Variants in SMKR1 observed in about 807,000 individuals in gnomAD.
SMKR1 encodes small lysine rich protein 1, also known as small lysine-rich protein 1.
In SMKR1, 4 loss-of-function variants were observed where a neutral mutation model predicts 4.0. That is an observed-to-expected ratio of 1.00 (90% CI 0.49 to 2.30). SMKR1 has a LOEUF of 2.30. Ranked by LOEUF, SMKR1 falls within the 30% of genes most tolerant of loss-of-function variation. The pLI is 0.02. For missense variants in SMKR1, 56 were observed against 81.8 expected (o/e 0.68, Z 1.22); for synonymous variants, 38 against 32.5 (o/e 1.17, Z -0.58).
chr7:129,506,155 A>C (rs2151027407), intron 1 of SMKR1, among the ~76,000 whole-genome samples: 1 of 152,342 alleles, frequency 6.6e-6, no homozygotes, highest in Non-Finnish European at 1.5e-5. Context: ...TTTAAAATGC[A>C]TGCTTTAGGC....
chr7:129,505,586 C>T (rs1478710452), intron 1 of SMKR1, among the ~76,000 whole-genome samples: 1 of 151,988 alleles, frequency 6.6e-6, no homozygotes, highest in African/African-American at 2.4e-5. Flanking sequence ...TCAAGCAATT[C>T]TCCTGCCTCA....
intron 1 of SMKR1, among the ~76,000 whole-genome samples, chr7:129,509,830 C>T (rs1404700821): frequency 4.6e-5 from 7 of 152,210 alleles, no homozygotes; most frequent in East Asian, 1.9e-4. Flanking sequence ...TGAGCCAGCG[C>T]GCCCGGCCTA....
chr7:129,508,008 T>C (rs1159512599), intron 1 of SMKR1, among the ~76,000 whole-genome samples: 3 of 152,238 alleles, frequency 2.0e-5, no homozygotes, highest in Non-Finnish European at 2.9e-5. Context: ...TTTTAAATGT[T>C]GATGGTGAGT....
chr7:129,507,059 A>G (rs984547074), intron 1 of SMKR1, among the ~76,000 whole-genome samples: 1 of 149,660 alleles, frequency 6.7e-6, no homozygotes, highest in Non-Finnish European at 1.5e-5. Flanking sequence ...TCTGTTGCCC[A>G]GGCTGGAGAG....
At chr7:129,510,650 C>T (rs999160693) in intron 1 of SMKR1, among the ~76,000 whole-genome samples, 2 of 152,118 alleles carry the variant, frequency 1.3e-5, no homozygotes, top group African/African-American at 4.8e-5. Flanking sequence ...ATCGCTTGAG[C>T]CTGGAAGGTC....
intron 1 of SMKR1, among the ~76,000 whole-genome samples, chr7:129,505,990 C>T (rs190707710): frequency 2.8e-4 from 42 of 152,242 alleles, no homozygotes; most frequent in African/African-American, 9.2e-4. Context: ...TTGGGAGCTG[C>T]ATGTTCTGAG....
chr7:129,512,692 C>T lies in SMKR1; in HGVS notation c.*251C>T. 2.8e-6 allele frequency: 1 copy of T among 361,280 alleles called. No individual in the cohort carries two copies. The highest frequency in any genetic ancestry group is 4.9e-6 in the Non-Finnish European group (1 of 204,100). The allele number at this position is 361,280 out of a possible 1,614,324, so 22.4% of individuals were successfully genotyped here. A position where few individuals can be genotyped will look rare whatever the true frequency, so the allele number is the denominator to read the frequency against. ...GCCTGAGTAATTCCTACACAGTGTG[C>T]TGAAATTAATAGAACTTTCAGAAAT... On this transcript the variant is annotated 3_prime_UTR_variant, in exon 2 of 2. Coordinates refer to ENST00000462322, the MANE Select transcript of SMKR1 (RefSeq NM_001195243.2).
At chr7:129,508,176 TTA>T (rs1266788816) in intron 1 of SMKR1, among the ~76,000 whole-genome samples, 1 of 152,226 alleles carries the variant, frequency 6.6e-6, no homozygotes, top group African/African-American at 2.4e-5. Flanking sequence ...GAGTTAATTT[TTA>T]TATATGGTGA....
chr7:129,505,727 C>T (rs760379044), intron 1 of SMKR1, among the ~76,000 whole-genome samples: 2 of 152,160 alleles, frequency 1.3e-5, no homozygotes, highest in Non-Finnish European at 2.9e-5. Flanking sequence ...GATGATCCAC[C>T]GGCCTCGGCC....
intron 1 of SMKR1, among the ~76,000 whole-genome samples, chr7:129,505,719 T>A (rs544213364): frequency 6.6e-6 from 1 of 152,178 alleles, no homozygotes; most frequent in Non-Finnish European, 1.5e-5. Context: ...TGACCTCAGA[T>A]GATCCACCGG....
In SMKR1 at chr7:129,502,582, A is replaced by G. The variant is rs986190023; in HGVS notation, c.-243A>G. 9 of 469,742 alleles carry G rather than the reference A, an allele frequency of 1.9e-5. No individual in the cohort carries two copies. The highest frequency in any genetic ancestry group is 3.3e-5 in the Non-Finnish European group (9 of 274,166). 29.1% of individuals were successfully genotyped at this position (469,742 alleles called of 1,614,324 possible). On this transcript the variant is annotated 5_prime_UTR_variant, in exon 1 of 2. Coordinates refer to ENST00000462322, the MANE Select transcript of SMKR1 (RefSeq NM_001195243.2). ...CGGCGGCCTAGGTGCCGCGTGGGGC[A>G]AGCAGGTGCCTCGCGTCCAGGCGGC...
At position 129,502,599 on chromosome 7, in the gene SMKR1, C is replaced by T. The variant is rs1362154091; in HGVS notation, c.-226C>T. 1.9e-6 allele frequency: 1 copy of T among 538,640 alleles called. No homozygotes were observed. The highest frequency in any genetic ancestry group is 3.1e-6 in the Non-Finnish European group (1 of 323,394). 33.4% of individuals were successfully genotyped at this position (538,640 alleles called of 1,614,324 possible). ...CGTGGGGCAAGCAGGTGCCTCGCGT[C>T]CAGGCGGCTCCGCGGCTGGCTGCCT... On this transcript the variant is annotated 5_prime_UTR_variant, in exon 1 of 2. Transcript: ENST00000462322.
rs1445420138 is a variant in SMKR1 at position 129,502,702 on chromosome 7, G to A, written c.-123G>A. ...GCTGGGCCCGTGGCGGTTCCCTGAG[G>A]AGGGCCGAGAAGGGGCCGGGGGTGC... On this transcript the variant is annotated 5_prime_UTR_variant, in exon 1 of 2. Coordinates refer to ENST00000462322, the MANE Select transcript of SMKR1 (RefSeq NM_001195243.2). The A allele has an allele frequency of 4.2e-6, 6 of 1,437,584 alleles. No individual in the cohort carries two copies. Among genetic ancestry groups the A allele is most frequent in the Non-Finnish European group, 5.6e-6 (6 of 1,061,952 alleles). 89.1% of individuals were successfully genotyped at this position (1,437,584 alleles called of 1,614,324 possible).
chr7:129,503,924 C>T (rs1799438464), intron 1 of SMKR1, among the ~76,000 whole-genome samples: 1 of 147,554 alleles, frequency 6.8e-6, no homozygotes, highest in Admixed American at 7.0e-5. Flanking sequence ...ATCTCTGAGG[C>T]TCAAGTGATC....
chr7:129,512,331 G>A lies in SMKR1; in HGVS notation c.88G>A (p.Ala30Thr), dbSNP rs12673693. Residue 30 changes from alanine to threonine, a missense_variant, in exon 2 of 2, where the codon GCG (alanine) becomes ACG (threonine). By Grantham distance (58) the Ala-to-Thr change is moderately conservative. Transcript: ENST00000462322. ...KKPEVDILSP[A>T]AMLNLYYIAH... ...ACCAGAAGTGGACATTCTCAGCCCC[G>A]CGGCCATGCTGAACCTCTACTACAT... 708 of 1,536,018 alleles carry A rather than the reference G, an allele frequency of 4.6e-4. 8 individuals are homozygous for A. The East Asian group carries it at 0.016, about 34-fold the overall frequency.
chr7:129,509,407 A>G (rs1160830441), intron 1 of SMKR1, among the ~76,000 whole-genome samples: 3 of 152,234 alleles, frequency 2.0e-5, no homozygotes, highest in Non-Finnish European at 4.4e-5. Context: ...TTTTACCAGG[A>G]GAATGCAGTT....
intron 1 of SMKR1, 46 bp from the exon 2 acceptor site, chr7:129,512,201 A>G (rs537948842): frequency 1.4e-6 from 2 of 1,473,220 alleles, no homozygotes; most frequent in Non-Finnish European, 1.8e-6. Flanking sequence ...AACAAAAACC[A>G]AAAAACTAAC....
At chr7:129,508,899 G>A (rs1799495806) in intron 1 of SMKR1, among the ~76,000 whole-genome samples, 1 of 152,146 alleles carries the variant, frequency 6.6e-6, no homozygotes, top group African/African-American at 2.4e-5. Context: ...AATAAGATGA[G>A]AACTTCAAAT....
intron 1 of SMKR1, 49 bp downstream of exon 1, chr7:129,502,876 A>G: frequency 6.5e-7 from 1 of 1,533,646 alleles, no homozygotes; most frequent in Non-Finnish European, 8.7e-7. Flanking sequence ...CGCGCCGTGG[A>G]GCCCCAGGCT....
Sources: gnomAD v4.1 joint callset for allele counts (sites outside exome capture counted in the v4.1 genomes callset) on GRCh38, gnomAD v4.1.1 for gene constraint, MANE v1.5 for transcripts, NCBI Gene and HGNC (gene_info 2026-07-23, HGNC 2026-07-21) for gene names.